Variants in NTAN1 observed in about 807,000 individuals in gnomAD.
The protein encoded by NTAN1 is N-terminal asparagine amidase, also known as protein N-terminal asparagine amidohydrolase.
In NTAN1, 32 loss-of-function variants were observed where a neutral mutation model predicts 41.9. That is an observed-to-expected ratio of 0.76 (90% CI 0.58 to 1.03). NTAN1 has a LOEUF of 1.03. Ranked by LOEUF, NTAN1 falls within the 50% of genes least tolerant of loss-of-function variation. The probability of loss-of-function intolerance (pLI) is 0.00; values close to 1 mark genes in which losing one functional copy is unlikely to be tolerated. For synonymous variants in NTAN1, 140 were observed against 139.5 expected, an observed-to-expected ratio of 1.00 and a Z score of -0.03; for missense variants, 377 against 377.5, an observed-to-expected ratio of 1.00 and a Z score of 0.01.
At position 15,047,602 on chromosome 16, in the gene NTAN1, G is replaced by A; in HGVS notation, c.251-52C>T. ...AGTTATTCCCTGATGCGAGTGCAGT[G>A]CGCAGGCCGAGACTCCGCCTGTCCC... On this transcript the variant is annotated intron_variant, in intron 3 of 9. Transcript: ENST00000287706. 5 of 1,329,402 alleles carry A rather than the reference G, an allele frequency of 3.8e-6. No individual in the cohort carries two copies. The Middle Eastern group carries it at 9.0e-4, about 241-fold the overall frequency. The allele number at this position is 1,329,402 out of a possible 1,614,324, so 82.4% of individuals were successfully genotyped here.
chr16:15,053,463 G>A (rs1439783065), intron 1 of NTAN1, among the ~76,000 whole-genome samples: 6 of 145,162 alleles, frequency 4.1e-5, no homozygotes, highest in Admixed American at 1.5e-4. Flanking sequence ...ACAACATATA[G>A]TAAGCTATCA....
At position 15,050,767 on chromosome 16, in the gene NTAN1, GAT is replaced by G. The variant is rs377548375; in HGVS notation, c.82-2670_82-2669del. On this transcript the variant is annotated intron_variant, in intron 1 of 9. Transcript: ENST00000287706. ...AAATTAAGATTAAACTAAAAGAAGAGATGTAATAAACATAATGATCAGCTTGA... is the reference window on the plus strand; with the variant it reads ...AAATTAAGATTAAACTAAAAGAAGAGGTAATAAACATAATGATCAGCTTGA... 2.3e-4 allele frequency among the ~76,000 whole-genome samples: 35 copies of G among 152,076 alleles called. No individual in the cohort carries two copies. In the East Asian group the frequency reaches 5.4e-3, roughly 24 times the overall value.
At chr16:15,044,469 A>G (rs746054177) in intron 4 of NTAN1, 62 bp from the exon 5 acceptor site, 66 of 1,051,812 alleles carry the variant, frequency 6.3e-5, no homozygotes, top group Non-Finnish European at 8.5e-5. Flanking sequence ...CGCTGGTCTC[A>G]CTTTGAACTT....
chr16:15,038,767 G>A lies in NTAN1; in HGVS notation c.640-80C>T, dbSNP rs558471649. On this transcript the variant is annotated intron_variant, in intron 8 of 9. Coordinates refer to ENST00000287706, the MANE Select transcript of NTAN1 (RefSeq NM_173474.4). Reference sequence around the variant, plus strand: ...CCCTCCCAGTAACGCAAGCTCCAGTGTAGTCCTTTCATGCATTTATCTGCC... The same window carrying A: ...CCCTCCCAGTAACGCAAGCTCCAGTATAGTCCTTTCATGCATTTATCTGCC... 9 of 736,474 alleles carry A rather than the reference G, an allele frequency of 1.2e-5. No homozygotes were observed. The Admixed American group carries it at 1.4e-4, about 11-fold the overall frequency. 45.6% of individuals were successfully genotyped at this position (736,474 alleles called of 1,614,324 possible). A position where few individuals can be genotyped will look rare whatever the true frequency, so the allele number is the denominator to read the frequency against.
intron 5 of NTAN1, among the ~76,000 whole-genome samples, chr16:15,043,970 A>T (rs2043940654): frequency 6.6e-6 from 1 of 152,100 alleles, no homozygotes; most frequent in Admixed American, 6.5e-5. Context: ...AAAAAGAAAA[A>T]ATTTGCTAAT....
At chr16:15,042,764 G>A (rs1015623132) in intron 5 of NTAN1, among the ~76,000 whole-genome samples, 12 of 122,716 alleles carry the variant, frequency 9.8e-5, no homozygotes, top group Admixed American at 3.8e-4. Context: ...ACGAAGTCTC[G>A]CTCTGTCACC....
At chr16:15,055,815 G>T in intron 1 of NTAN1, 76 bp downstream of exon 1, 1 of 781,196 alleles carries the variant, frequency 1.3e-6, no homozygotes, top group Non-Finnish European at 1.7e-6. Context: ...AGTCTGTGTC[G>T]CGTGAGGGGG....
intron 5 of NTAN1, among the ~76,000 whole-genome samples, chr16:15,043,445 G>C (rs1234965695): frequency 1.3e-5 from 2 of 152,238 alleles, no homozygotes; most frequent in African/African-American, 4.8e-5. Context: ...GGGAGGCTGA[G>C]GAGGGAGGAT....
intron 5 of NTAN1, among the ~76,000 whole-genome samples, chr16:15,043,904 T>C (rs1245370375): frequency 6.6e-6 from 1 of 151,946 alleles, no homozygotes; most frequent in Non-Finnish European, 1.5e-5. Flanking sequence ...GCCGAGATCA[T>C]GCTACTGCAC....
chr16:15,055,856 G>A (rs1292631070), intron 1 of NTAN1, 35 bp downstream of exon 1: 4 of 1,150,470 alleles, frequency 3.5e-6, no homozygotes, highest in South Asian at 8.7e-5. Flanking sequence ...TTCCCCTCGG[G>A]CCCGCCCCGA....
intron 1 of NTAN1, among the ~76,000 whole-genome samples, chr16:15,054,466 G>A (rs1211508898): frequency 6.6e-6 from 1 of 152,122 alleles, no homozygotes; most frequent in Non-Finnish European, 1.5e-5. Flanking sequence ...AATTCTTCAG[G>A]CGGCTGAAAT....
chr16:15,038,309 A>G, intron 9 of NTAN1, 99 bp from the exon 10 acceptor site: 1 of 847,804 alleles, frequency 1.2e-6, no homozygotes. Flanking sequence ...ACAAATATAT[A>G]TAATAAAATA....
intron 4 of NTAN1, 107 bp from the exon 5 acceptor site, chr16:15,044,514 CA>C: frequency 1.3e-6 from 1 of 761,340 alleles, no homozygotes; most frequent in Non-Finnish European, 2.3e-6. Context: ...TGCTCTACAG[CA>C]GAGCTGCAGG....
At chr16:15,051,249 C>G (rs949567589) in intron 1 of NTAN1, among the ~76,000 whole-genome samples, 1 of 152,278 alleles carries the variant, frequency 6.6e-6, no homozygotes, top group African/African-American at 2.4e-5. Context: ...GACCAAAAAT[C>G]ATGTCTCTCT....
chr16:15,045,761 T>A (rs958742617), intron 4 of NTAN1: 2 of 152,264 alleles, frequency 1.3e-5, no homozygotes, highest in Non-Finnish European at 2.9e-5. Flanking sequence ...CCCACACTCA[T>A]CTACTAACCC....
chr16:15,055,050 G>A (rs1030761043), intron 1 of NTAN1, among the ~76,000 whole-genome samples: 3 of 152,060 alleles, frequency 2.0e-5, no homozygotes, highest in Non-Finnish European at 2.9e-5. Flanking sequence ...ACACTCCGAG[G>A]GCAGGGACAG....
Position 15,038,686 on chromosome 16 carries a change from A to G in NTAN1, c.641T>C (p.Met214Thr). The G allele has an allele frequency of 6.6e-7, 1 of 1,526,580 alleles. No individual in the cohort carries two copies. Among genetic ancestry groups the G allele is most frequent in the Non-Finnish European group, 9.0e-7 (1 of 1,107,216 alleles). 94.6% of individuals were successfully genotyped at this position (1,526,580 alleles called of 1,614,324 possible). The change falls in exon 9 of 10, where the codon ATG (methionine) becomes ACG (threonine). Residue 214 changes from methionine (M) to threonine (T), a missense_variant and splice_region_variant. Coordinates refer to ENST00000287706, the MANE Select transcript of NTAN1 (RefSeq NM_173474.4). ...TGTCTCTGCATCATAAATGCTAATC[A>G]TCTAAAAAAGAACGTGTCAAGGATA... ...RAARTLAGGP[M>T]ISIYDAETEQ...
chr16:15,040,319 G>C (rs913499740), intron 7 of NTAN1: 1 of 397,190 alleles, frequency 2.5e-6, no homozygotes, highest in Non-Finnish European at 4.4e-6. Context: ...TTCCACATGG[G>C]AGGCAGCCAT....
At chr16:15,038,356 A>AAGTTGAC (rs1482068985) in intron 9 of NTAN1, 146 bp from the exon 10 acceptor site, 9 of 659,266 alleles carry the variant, frequency 1.4e-5, no homozygotes, top group Non-Finnish European at 2.1e-5. Context: ...AGTAAGAAAA[A>AAGTTGAC]AGTTGATTGC....
Sources: gnomAD v4.1 joint callset for allele counts (sites outside exome capture counted in the v4.1 genomes callset) on GRCh38, gnomAD v4.1.1 for gene constraint, MANE v1.5 for transcripts, NCBI Gene and HGNC (gene_info 2026-07-23, HGNC 2026-07-21) for gene names.